IMMP2L: variants seen among roughly 807,000 people sequenced by gnomAD.
IMMP2L encodes inner mitochondrial membrane peptidase subunit 2, also known as mitochondrial inner membrane protease subunit 2.
A neutral mutation model predicts 19.3 loss-of-function variants in IMMP2L; 18 were observed. The observed-to-expected ratio is 0.93, with a 90% CI of 0.64 to 1.38. The LOEUF is 1.38. Among genes scored for constraint, IMMP2L ranks in the 40% most tolerant of loss-of-function variants. IMMP2L has a pLI of 0.00. For missense variants in IMMP2L, 233 were observed against 218.2 expected, an observed-to-expected ratio of 1.07 and a Z score of -0.43; for synonymous variants, 76 against 73.0, an observed-to-expected ratio of 1.04 and a Z score of -0.21.
At chr7:111,063,768 A>C (rs1794242170) in intron 3 of IMMP2L, among the ~76,000 whole-genome samples, 1 of 152,190 alleles carries the variant, frequency 6.6e-6, no homozygotes. Context: ...AAACATAACA[A>C]GAGTCACTTC....
chr7:111,474,884 T>G (rs991321252), intron 3 of IMMP2L, among the ~76,000 whole-genome samples: 7 of 152,102 alleles, frequency 4.6e-5, no homozygotes, highest in Non-Finnish European at 7.4e-5. Context: ...CTTACTTAAT[T>G]CTATGGTAAA....
intron 5 of IMMP2L, among the ~76,000 whole-genome samples, chr7:110,725,303 A>G (rs546153245): frequency 6.6e-6 from 1 of 152,278 alleles, no homozygotes; most frequent in Non-Finnish European, 1.5e-5. Context: ...TTCTTGTTCT[A>G]AATATTTTGC....
intron 3 of IMMP2L, among the ~76,000 whole-genome samples, chr7:111,030,919 TATATATAAA>T (rs1563176475): frequency 6.7e-5 from 6 of 89,172 alleles, no homozygotes; most frequent in African/African-American, 2.6e-4. Context: ...TATATATATA[TATATATAAA>T]ATATATATAC....
chr7:111,556,011 T>TGG (rs1464439260), intron 1 of IMMP2L, among the ~76,000 whole-genome samples: 8 of 77,082 alleles, frequency 1.0e-4, no homozygotes, highest in Non-Finnish European at 1.6e-4. Flanking sequence ...CCCTCTTCTG[T>TGG]GTGCATGTAT....
intron 3 of IMMP2L, among the ~76,000 whole-genome samples, chr7:111,464,974 A>G (rs1253426004): frequency 6.6e-6 from 1 of 152,018 alleles, no homozygotes; most frequent in Admixed American, 6.6e-5. Flanking sequence ...TTGTATTTTT[A>G]GTAGAGACAA....
Position 110,870,299 on chromosome 7 carries a change from ACTT to A in IMMP2L, c.408+16291_408+16293del, listed in dbSNP as rs1416820011. Among the ~76,000 whole-genome samples the A allele has an allele frequency of 4.6e-5, 7 of 151,922 alleles. No individual in the cohort carries two copies. The highest frequency in any genetic ancestry group is 7.4e-5 in the Non-Finnish European group (5 of 67,986). ...TGTCCTTCTTGTATACTTTCCACTG[ACTT>A]CTTATTTCTGAACCAGAAGGCATCG... is the stretch of plus-strand genomic sequence containing the variant. On this transcript the variant is annotated intron_variant, in intron 5 of 5. Transcript: ENST00000405709. This position sits in a 1 kb window ranked among gnomAD's most constrained non-coding sequence, Gnocchi z 4.2.
intron 3 of IMMP2L, among the ~76,000 whole-genome samples, chr7:111,457,928 A>G (rs1249310430): frequency 2.0e-5 from 3 of 147,704 alleles, no homozygotes; most frequent in Non-Finnish European, 4.5e-5. Flanking sequence ...ATTTTTGACT[A>G]CTTCTTAGTA....
At chr7:111,269,242 C>T (rs190609419) in intron 3 of IMMP2L, among the ~76,000 whole-genome samples, 1 of 152,198 alleles carries the variant, frequency 6.6e-6, no homozygotes, top group Admixed American at 6.5e-5. Flanking sequence ...TTTCCTTGTC[C>T]CAACAAATAC....
chr7:111,018,888 A>T (rs1371183140), intron 3 of IMMP2L, among the ~76,000 whole-genome samples: 2 of 150,772 alleles, frequency 1.3e-5, no homozygotes, highest in South Asian at 2.1e-4. Flanking sequence ...GCATTGATTT[A>T]AAAAAAATCC....
intron 3 of IMMP2L, among the ~76,000 whole-genome samples, chr7:111,466,331 C>T (rs1179422709): frequency 2.0e-5 from 3 of 151,962 alleles, no homozygotes; most frequent in Non-Finnish European, 2.9e-5. Flanking sequence ...TACCCTAAAA[C>T]TTAAAGTATA....
chr7:111,206,293 T>C (rs1261700833), intron 3 of IMMP2L, among the ~76,000 whole-genome samples: 2 of 152,132 alleles, frequency 1.3e-5, no homozygotes, highest in African/African-American at 2.4e-5. Flanking sequence ...AACAAAAACA[T>C]GTTTCTTTTA....
chr7:110,772,702 C>T (rs1372856088), intron 5 of IMMP2L, among the ~76,000 whole-genome samples: 5 of 152,098 alleles, frequency 3.3e-5, no homozygotes, highest in Non-Finnish European at 7.3e-5. Context: ...ATAGCCAGGC[C>T]CCTTGACTGC....
intron 5 of IMMP2L, among the ~76,000 whole-genome samples, chr7:110,825,878 A>C (rs943055209): frequency 4.6e-5 from 7 of 152,204 alleles, no homozygotes; most frequent in Non-Finnish European, 8.8e-5. Flanking sequence ...AGCAAAAGAA[A>C]CCACCATCAG....
rs115759723 is a variant in IMMP2L, at chr7:110,929,517, A to G, written c.305+33983T>C. Among the ~76,000 whole-genome samples the G allele has an allele frequency of 5.2e-3, 790 of 152,290 alleles. 8 individuals are homozygous for G. The highest frequency in any genetic ancestry group is 0.017 in the African/African-American group (726 of 41,568). On this transcript the variant is annotated intron_variant, in intron 4 of 5. Transcript: ENST00000405709. ...CATAAAGCACTTGTGCATTAATCAT[A>G]TAGAAAGAAGTTGCTTTCTGTTCAG...
chr7:110,906,046 G>C (rs1199028939), intron 4 of IMMP2L, among the ~76,000 whole-genome samples: 4 of 152,114 alleles, frequency 2.6e-5, no homozygotes, highest in Non-Finnish European at 5.9e-5. Context: ...GACCAAATCT[G>C]AGTACAGAAC....
At chr7:111,547,665 C>G (rs1157434599) in intron 1 of IMMP2L, among the ~76,000 whole-genome samples, 1 of 151,898 alleles carries the variant, frequency 6.6e-6, no homozygotes, top group Admixed American at 6.6e-5. Flanking sequence ...AAGAGATTCC[C>G]CTGTCTCAGC....
At chr7:110,872,077 T>A (rs1808593342) in intron 5 of IMMP2L, among the ~76,000 whole-genome samples, 1 of 152,128 alleles carries the variant, frequency 6.6e-6, no homozygotes, top group Non-Finnish European at 1.5e-5. Flanking sequence ...ATAGTGCAAA[T>A]CACCCTTTGT....
At chr7:111,182,078 T>G (rs1377168037) in intron 3 of IMMP2L, among the ~76,000 whole-genome samples, 1 of 151,984 alleles carries the variant, frequency 6.6e-6, no homozygotes, top group Non-Finnish European at 1.5e-5. Context: ...TTCCTAAGTG[T>G]CAGAAGAGGG....
chr7:111,096,205 G>T (rs1420058936), intron 3 of IMMP2L, among the ~76,000 whole-genome samples: 2 of 151,906 alleles, frequency 1.3e-5, no homozygotes, highest in Admixed American at 1.3e-4. Flanking sequence ...ATATGATGAT[G>T]ATTAACATCT....
Sources: allele counts gnomAD v4.1 joint callset (sites outside exome capture counted in the v4.1 genomes callset), GRCh38; gene constraint gnomAD v4.1.1; non-coding constraint Gnocchi (gnomAD v3.1); transcripts MANE v1.5; gene names NCBI Gene and HGNC (gene_info 2026-07-23, HGNC 2026-07-21).